The following TNRC6C variants were observed in gnomAD, a reference collection of about 807,000 sequenced individuals.
TNRC6C encodes the protein trinucleotide repeat containing adaptor 6C.
In TNRC6C, 20 loss-of-function variants were observed where a neutral mutation model predicts 153.7. The ratio of observed to expected loss-of-function variants is 0.13; its 90% confidence interval spans 0.09 to 0.19. The LOEUF (loss-of-function observed/expected upper bound fraction) is 0.19, where lower values mean the gene tolerates loss of function less well. TNRC6C is among the 10% of genes least tolerant of loss of function. TNRC6C has a pLI of 1.00. For missense variants in TNRC6C, 1,987 were observed against 2,172.0 expected, an observed-to-expected ratio of 0.91 and a Z score of 1.69; for synonymous variants, 811 against 841.4, an observed-to-expected ratio of 0.96 and a Z score of 0.63.
intron 5 of TNRC6C, among the ~76,000 whole-genome samples, chr17:78,070,572 T>C (rs2144281628): frequency 6.6e-6 from 1 of 152,206 alleles, no homozygotes; most frequent in Middle Eastern, 3.4e-3. Flanking sequence ...TTCCTCCTTA[T>C]TCCTTTTCTC....
At chr17:78,038,007 A>T (rs1448534960) in intron 2 of TNRC6C, among the ~76,000 whole-genome samples, 1 of 152,206 alleles carries the variant, frequency 6.6e-6, no homozygotes, top group Non-Finnish European at 1.5e-5. Context: ...ATACACGGAG[A>T]GTTGCAGATC....
At chr17:78,057,867 G>T (rs570823435) in intron 3 of TNRC6C, among the ~76,000 whole-genome samples, 148 of 152,208 alleles carry the variant, frequency 9.7e-4, no homozygotes, top group Non-Finnish European at 1.9e-3. Flanking sequence ...GAATGCTACA[G>T]TACAATCATT....
Position 78,060,177 on chromosome 17 carries a change from G to A in TNRC6C, c.2396-4545G>A, listed in dbSNP as rs144640471. The stretch of plus-strand genomic sequence containing the variant: ...AGAAAAGTAGGATACTTTGCCATCT[G>A]ACTGTACTCTTGTATAATGAGCAAA... On this transcript the variant is annotated intron_variant, in intron 3 of 19. Coordinates refer to ENST00000301624, the Ensembl canonical transcript of TNRC6C. 9.4e-3 allele frequency among the ~76,000 whole-genome samples: 1,424 copies of A among 152,244 alleles called. 15 individuals are homozygous for A. Among genetic ancestry groups the A allele is most frequent in the South Asian group, 0.037 (177 of 4,818 alleles).
rs987125464 is a variant in TNRC6C at position 78,079,051 on chromosome 17, A to G, written c.3211-344A>G. Reference sequence around the variant, plus strand: ...GGTTGCAGTGAGCTGAGATCGCACTACTGCATTCCAGCCTGGGTGACAGAG... The same window carrying G: ...GGTTGCAGTGAGCTGAGATCGCACTGCTGCATTCCAGCCTGGGTGACAGAG... On this transcript the variant is annotated intron_variant, in intron 9 of 19. Transcript: ENST00000301624. The surrounding 1 kb of genome is among the most constrained non-coding windows in gnomAD (Gnocchi z 4.3). Among the ~76,000 whole-genome samples, 1 of 151,806 alleles carries G rather than the reference A, an allele frequency of 6.6e-6. No individual in the cohort carries two copies. The highest frequency in any genetic ancestry group is 6.6e-5 in the Admixed American group (1 of 15,216).
At chr17:78,005,215 A>G (rs951266963) in intron 1 of TNRC6C, 136 bp downstream of exon 3, 3 of 525,512 alleles carry the variant, frequency 5.7e-6, no homozygotes, top group Admixed American at 8.8e-5. Flanking sequence ...TTTATTATTC[A>G]TTGTGAAATT....
At chr17:77,963,356 T>C (rs575879971) in intron 1 of TNRC6C, among the ~76,000 whole-genome samples, 1 of 152,388 alleles carries the variant, frequency 6.6e-6, no homozygotes, top group East Asian at 1.9e-4. Flanking sequence ...ATTTGAAATG[T>C]TAATTTATTT....
intron 1 of TNRC6C, among the ~76,000 whole-genome samples, chr17:77,988,363 C>T (rs940644689): frequency 4.6e-5 from 7 of 151,840 alleles, no homozygotes; most frequent in South Asian, 2.1e-4. Flanking sequence ...CAGAGTGAGA[C>T]GCTATCTCTT....
chr17:78,024,557 G>A (rs1254207398), intron 1 of TNRC6C, among the ~76,000 whole-genome samples: 1 of 151,994 alleles, frequency 6.6e-6, no homozygotes, highest in Non-Finnish European at 1.5e-5. Flanking sequence ...AGTAGAGACG[G>A]GGTTTCACCA....
intron 1 of TNRC6C, among the ~76,000 whole-genome samples, chr17:77,971,418 A>G (rs2070939003): frequency 6.6e-6 from 1 of 152,124 alleles, no homozygotes; most frequent in Non-Finnish European, 1.5e-5. Flanking sequence ...CAGTCCTGTG[A>G]CATTAAATAC....
intron 1 of TNRC6C, among the ~76,000 whole-genome samples, chr17:78,021,511 T>C (rs1164033027): frequency 2.0e-5 from 3 of 152,250 alleles, no homozygotes; most frequent in Admixed American, 6.5e-5. Flanking sequence ...ATTTTAACTT[T>C]TCATTCAGTA....
At chr17:78,099,375 A>C (rs557194304) in intron 17 of TNRC6C, among the ~76,000 whole-genome samples, 1 of 152,322 alleles carries the variant, frequency 6.6e-6, no homozygotes, top group East Asian at 1.9e-4. Context: ...CATACCCGAG[A>C]CTGGGCAATT....
At chr17:78,099,007 G>A (rs894226690) in intron 17 of TNRC6C, among the ~76,000 whole-genome samples, 11 of 152,174 alleles carry the variant, frequency 7.2e-5, no homozygotes, top group African/African-American at 2.7e-4. Context: ...AACCCCACCA[G>A]TTTGAAAAAA....
In TNRC6C at chr17:78,104,630, G is replaced by C. The variant is rs1329773464; in HGVS notation, c.4858G>C (p.Gly1620Arg). The C allele has an allele frequency of 6.5e-7, 1 of 1,548,366 alleles. No individual in the cohort carries two copies. The highest frequency in any genetic ancestry group is 8.7e-7 in the Non-Finnish European group (1 of 1,147,010). ...CAGCCAGCCGCGGCTCAGCGCAGCG[G>C]GCAGCTCCCATGGCCTGGTACGCAG... is the stretch of plus-strand genomic sequence containing the variant. The change falls in exon 20 of 20, where the codon GGC becomes CGC. Residue 1620 changes from glycine to arginine, a missense_variant. Gly to Arg is a moderately radical substitution (Grantham distance 125, BLOSUM62 -2). This residue lies in a region of TNRC6C where 139 missense variants were observed against 148.5 expected (regional missense o/e 0.94). Transcript: ENST00000301624. This position sits in a 1 kb window ranked among gnomAD's most constrained non-coding sequence, Gnocchi z 6.2.
intron 3 of TNRC6C, among the ~76,000 whole-genome samples, chr17:78,055,577 C>T (rs151306505): frequency 1.7e-3 from 261 of 152,286 alleles, no homozygotes; most frequent in African/African-American, 5.8e-3. Context: ...TTGTCCTGTA[C>T]GCAGTCAGTT....
In TNRC6C at chr17:78,075,673, G is replaced by A. The variant is rs569141896; in HGVS notation, c.3060+395G>A. Among the ~76,000 whole-genome samples, 7 of 152,250 alleles carry A rather than the reference G, an allele frequency of 4.6e-5. No individual in the cohort carries two copies. The highest frequency in any genetic ancestry group is 1.7e-4 in the African/African-American group (7 of 41,540). On this transcript the variant is annotated intron_variant, in intron 8 of 19. Transcript: ENST00000301624. The surrounding 1 kb of genome is among the most constrained non-coding windows in gnomAD (Gnocchi z 4.2). Reference sequence around the variant, plus strand: ...AAGGGATTGGAAGTGGTGGGGCTTGGGCACCCATCTCTGGCTGGCCCTTGT... The same window carrying A: ...AAGGGATTGGAAGTGGTGGGGCTTGAGCACCCATCTCTGGCTGGCCCTTGT...
At chr17:78,032,791 C>A (rs1303579258) in intron 2 of TNRC6C, among the ~76,000 whole-genome samples, 1 of 152,144 alleles carries the variant, frequency 6.6e-6, no homozygotes, top group Non-Finnish European at 1.5e-5. Flanking sequence ...GTATTTATAG[C>A]AATGTTTTTC....
intron 1 of TNRC6C, among the ~76,000 whole-genome samples, chr17:78,010,074 G>C (rs779258846): frequency 2.7e-5 from 4 of 150,102 alleles, no homozygotes; most frequent in Non-Finnish European, 4.4e-5. Flanking sequence ...ATACAGGCAG[G>C]GTTTCGCCCT....
intron 1 of TNRC6C, among the ~76,000 whole-genome samples, chr17:78,016,181 A>G (rs544860551): frequency 3.9e-5 from 6 of 152,326 alleles, no homozygotes; most frequent in African/African-American, 1.4e-4. Context: ...TCTAGAGCAC[A>G]GTGCCACTGC....
intron 4 of TNRC6C, 27 bp from the exon 7 acceptor site, chr17:78,067,730 A>G (rs751534602): frequency 1.5e-5 from 23 of 1,573,490 alleles, no homozygotes; most frequent in Non-Finnish European, 1.9e-5. Flanking sequence ...CATGAATTTG[A>G]TAAGTTCATG....
Sources: gnomAD v4.1 joint callset for allele counts (sites outside exome capture counted in the v4.1 genomes callset) on GRCh38, gnomAD v4.1.1 for gene constraint, gnomAD v4.1.1 regional missense constraint, Gnocchi (gnomAD v3.1) non-coding constraint, MANE v1.5 for transcripts, NCBI Gene and HGNC (gene_info 2026-07-23, HGNC 2026-07-21) for gene names.